Variants in PRKN observed in about 807,000 individuals in gnomAD.
The protein encoded by PRKN is E3 ubiquitin-protein ligase parkin.
In PRKN, 56 loss-of-function variants were observed where a neutral mutation model predicts 59.5. The ratio of observed to expected loss-of-function variants is 0.94; its 90% CI spans 0.76 to 1.18. PRKN has a LOEUF of 1.18. Ranked by LOEUF, PRKN falls within the 50% of genes most tolerant of loss-of-function variation. PRKN has a pLI of 0.00. For missense variants in PRKN, 657 were observed against 596.4 expected, an observed-to-expected ratio of 1.10 and a Z score of -1.06; for synonymous variants, 250 against 222.1, an observed-to-expected ratio of 1.13 and a Z score of -1.12.
At chr6:161,596,493 G>A (rs1181176680) in intron 7 of PRKN, among the ~76,000 whole-genome samples, 1 of 151,974 alleles carries the variant, frequency 6.6e-6, no homozygotes, top group Non-Finnish European at 1.5e-5. Context: ...TCCAACTTTG[G>A]TTTGCTATTT....
intron 7 of PRKN, among the ~76,000 whole-genome samples, chr6:161,629,424 A>C (rs1003385332): frequency 4.0e-5 from 6 of 150,992 alleles, no homozygotes; most frequent in Admixed American, 6.6e-5. Flanking sequence ...CTGCCCAATC[A>C]CCCCTCCCTT....
Position 162,552,147 on chromosome 6 carries a change from G to A in PRKN, c.8-108674C>T, listed in dbSNP as rs994365894. Among the ~76,000 whole-genome samples, 9 of 152,156 alleles carry A rather than the reference G, an allele frequency of 5.9e-5. No individual in the cohort carries two copies. The East Asian group carries it at 7.7e-4, about 13-fold the overall frequency. On this transcript the variant is annotated intron_variant, in intron 1 of 11. Transcript: ENST00000366898. Reference sequence around the variant, plus strand: ...CACTGTGAACAAAGTACACAAATCCGGCTTGTTGCACAAATGGAAAATCAG... The same window carrying A: ...CACTGTGAACAAAGTACACAAATCCAGCTTGTTGCACAAATGGAAAATCAG...
At chr6:162,726,390 C>T (rs1425031272) in intron 1 of PRKN, among the ~76,000 whole-genome samples, 2 of 152,096 alleles carry the variant, frequency 1.3e-5, no homozygotes, top group African/African-American at 2.4e-5. Context: ...GTGAATCTTA[C>T]GTAAATGTCA....
intron 2 of PRKN, among the ~76,000 whole-genome samples, chr6:162,337,671 C>G (rs990276599): frequency 4.6e-5 from 7 of 152,160 alleles, no homozygotes; most frequent in Non-Finnish European, 8.8e-5. Context: ...CTCGATCCAT[C>G]ATCATTCCTC....
chr6:162,177,117 T>C (rs4132024), intron 4 of PRKN, among the ~76,000 whole-genome samples: 76,838 of 151,770 alleles, frequency 0.51, 20,647 homozygotes, highest in Non-Finnish European at 0.61. Flanking sequence ...CACACACACA[T>C]GCACAGGCAC....
At chr6:162,517,453 TCAC>T (rs1359793380) in intron 1 of PRKN, among the ~76,000 whole-genome samples, 1 of 151,902 alleles carries the variant, frequency 6.6e-6, no homozygotes, top group African/African-American at 2.4e-5. Context: ...AGACGGGGTT[TCAC>T]CACGTTAGCC....
At chr6:162,645,958 T>C (rs1223827146) in intron 1 of PRKN, among the ~76,000 whole-genome samples, 1 of 141,896 alleles carries the variant, frequency 7.0e-6, no homozygotes, top group Non-Finnish European at 1.5e-5. Context: ...CACTGCAAGC[T>C]CCACCTCCTG....
At chr6:161,984,222 C>T (rs1781352123) in intron 5 of PRKN, among the ~76,000 whole-genome samples, 1 of 152,106 alleles carries the variant, frequency 6.6e-6, no homozygotes, top group African/African-American at 2.4e-5. Context: ...CTGGATCCAG[C>T]TATGCCTGAT....
chr6:161,973,504 G>C, intron 5 of PRKN, 87 bp from the exon 6 acceptor site: 1 of 756,828 alleles, frequency 1.3e-6, no homozygotes, highest in South Asian at 1.4e-5. Flanking sequence ...AATCTCTTTG[G>C]ACAAGAGAAG....
At chr6:162,451,211 T>C (rs1020743606) in intron 1 of PRKN, among the ~76,000 whole-genome samples, 1 of 152,058 alleles carries the variant, frequency 6.6e-6, no homozygotes, top group Non-Finnish European at 1.5e-5. Context: ...GTCTGCGATA[T>C]AATTTTAAAA....
chr6:162,322,593 A>G (rs1783077975), intron 2 of PRKN, among the ~76,000 whole-genome samples: 1 of 152,148 alleles, frequency 6.6e-6, no homozygotes, highest in Non-Finnish European at 1.5e-5. Context: ...AGATAAATAA[A>G]TATATCAATG....
chr6:162,325,960 C>T (rs1312870868), intron 2 of PRKN, among the ~76,000 whole-genome samples: 6 of 152,070 alleles, frequency 3.9e-5, no homozygotes, highest in South Asian at 2.1e-4. Context: ...CTAATGGTGA[C>T]GGCACACATA....
chr6:162,439,692 CCTCTTT>C (rs956105780), intron 2 of PRKN, among the ~76,000 whole-genome samples: 16 of 135,212 alleles, frequency 1.2e-4, no homozygotes, highest in African/African-American at 3.1e-5. Context: ...TCTTCCTCTT[CCTCTTT>C]AGCCTACTCA....
chr6:161,483,489 A>T lies in PRKN; in HGVS notation c.1083+65365T>A, dbSNP rs1191778078. 6.6e-6 allele frequency among the ~76,000 whole-genome samples: 1 copy of T among 152,208 alleles called. No individual in the cohort carries two copies. The highest frequency in any genetic ancestry group is 6.5e-5 in the Admixed American group (1 of 15,286). On this transcript the variant is annotated intron_variant, in intron 9 of 11. Transcript: ENST00000366898. The surrounding 1 kb of genome is among the most constrained non-coding windows in gnomAD (Gnocchi z 5.0). ...TCTATAAGGTCAGGAAAGGGGTCATAGCTCATAGAATATGGACTTGCATTA... is the reference window on the plus strand; with the variant it reads ...TCTATAAGGTCAGGAAAGGGGTCATTGCTCATAGAATATGGACTTGCATTA...
chr6:161,375,360 G>A (rs576823715), intron 10 of PRKN, among the ~76,000 whole-genome samples: 1 of 152,162 alleles, frequency 6.6e-6, no homozygotes, highest in Non-Finnish European at 1.5e-5. Flanking sequence ...GCATGGTCAG[G>A]ATCGGCCTCC....
At chr6:161,387,542 T>C (rs1237391249) in intron 9 of PRKN, among the ~76,000 whole-genome samples, 1 of 152,204 alleles carries the variant, frequency 6.6e-6, no homozygotes, top group Non-Finnish European at 1.5e-5. Flanking sequence ...GTAATGCAAA[T>C]AAATACCCAC....
At chr6:162,513,367 T>G (rs1777709591) in intron 1 of PRKN, among the ~76,000 whole-genome samples, 1 of 151,836 alleles carries the variant, frequency 6.6e-6, no homozygotes, top group Non-Finnish European at 1.5e-5. Flanking sequence ...TAATCCCAGG[T>G]ACTCCGGAGG....
At chr6:162,010,273 T>A (rs1263484808) in intron 5 of PRKN, among the ~76,000 whole-genome samples, 1 of 127,108 alleles carries the variant, frequency 7.9e-6, no homozygotes, top group Non-Finnish European at 1.6e-5. Context: ...TTATATATAT[T>A]ATGTATGATA....
intron 9 of PRKN, among the ~76,000 whole-genome samples, chr6:161,438,451 C>G (rs955240737): frequency 5.3e-5 from 8 of 152,030 alleles, no homozygotes; most frequent in African/African-American, 1.9e-4. Context: ...CTCTTGACCT[C>G]GTAATCCGCC....
Sources: gnomAD v4.1 joint callset for allele counts (sites outside exome capture counted in the v4.1 genomes callset) on GRCh38, gnomAD v4.1.1 for gene constraint, Gnocchi (gnomAD v3.1) non-coding constraint, MANE v1.5 for transcripts, NCBI Gene and HGNC (gene_info 2026-07-23, HGNC 2026-07-21) for gene names.